NUP153: variants seen among roughly 807,000 people sequenced by gnomAD.
NUP153 encodes the protein nuclear pore complex protein Nup153.
A neutral mutation model predicts 134.6 loss-of-function variants in NUP153; 27 were observed. The ratio of observed to expected loss-of-function variants is 0.20; its 90% CI spans 0.15 to 0.28. NUP153 has a LOEUF of 0.28. Ranked by LOEUF, NUP153 falls within the 10% of genes least tolerant of loss-of-function variation. NUP153 has a pLI of 1.00. For synonymous variants in NUP153, 640 were observed against 623.5 expected (o/e 1.03, Z -0.40); for missense variants, 1,821 against 1,731.3 (o/e 1.05, Z -0.92).
At chr6:17,705,532 CTG>C (rs1770420895) in intron 1 of NUP153, among the ~76,000 whole-genome samples, 1 of 122,718 alleles carries the variant, frequency 8.1e-6, no homozygotes, top group African/African-American at 3.2e-5. Flanking sequence ...TCCCGGTCAA[CTG>C]TGGAGAATGG....
At chr6:17,699,092 G>T (rs1355590387) in intron 1 of NUP153, among the ~76,000 whole-genome samples, 2 of 152,118 alleles carry the variant, frequency 1.3e-5, no homozygotes, top group Non-Finnish European at 2.9e-5. Context: ...ACAGTAAATG[G>T]TATGTGTCAG....
At chr6:17,654,461 A>G (rs1308472828) in intron 11 of NUP153, among the ~76,000 whole-genome samples, 3 of 152,086 alleles carry the variant, frequency 2.0e-5, no homozygotes, top group African/African-American at 4.8e-5. Context: ...ATCTGGGACT[A>G]CAGGCACCTG....
At chr6:17,684,066 G>C (rs1393562432) in intron 2 of NUP153, among the ~76,000 whole-genome samples, 2 of 152,154 alleles carry the variant, frequency 1.3e-5, no homozygotes, top group African/African-American at 4.8e-5. Context: ...CCATGTGACT[G>C]ATATGCCTGC....
chr6:17,701,846 A>AGGGGG lies in NUP153; in HGVS notation c.111+4430_111+4431insCCCCC, dbSNP rs1561916995. Among the ~76,000 whole-genome samples, 200 of 65,576 alleles carry AGGGGG rather than the reference A, an allele frequency of 3.0e-3. 15 individuals carry two copies. Among genetic ancestry groups the AGGGGG allele is most frequent in the Middle Eastern group, 8.5e-3 (1 of 118 alleles). The allele number at this position is 65,576 out of a possible 152,430, so 43.0% of individuals were successfully genotyped here. On this transcript the variant is annotated intron_variant, in intron 1 of 21. Transcript: ENST00000262077. ...AGACTCTGTCTCGGGGGGGGGGGGA[A>AGGGGG]AAAAGCTAAATGCAGGAACTGACTT...
At chr6:17,689,360 C>T (rs897100894) in intron 1 of NUP153, among the ~76,000 whole-genome samples, 5 of 151,882 alleles carry the variant, frequency 3.3e-5, no homozygotes, top group African/African-American at 1.2e-4. Context: ...GCACTCTAGC[C>T]CGGGCAACAA....
chr6:17,668,074 T>C (rs1289255425), intron 8 of NUP153, among the ~76,000 whole-genome samples: 1 of 145,710 alleles, frequency 6.9e-6, no homozygotes, highest in Non-Finnish European at 1.5e-5. Flanking sequence ...CTGAACTTTT[T>C]TTTTTTTTTT....
chr6:17,675,148 T>C lies in NUP153; in HGVS notation c.723+81A>G. ...AGCCTGGGCAACAGCAAAAGACTCT[T>C]GTCTCAGAAAAAAAAAAAAAAATTA... On this transcript the variant is annotated intron_variant, in intron 4 of 21. Transcript: ENST00000262077. This position sits in a 1 kb window ranked among gnomAD's most constrained non-coding sequence, Gnocchi z 4.4. 6.5e-7 allele frequency: 1 copy of C among 1,542,768 alleles called. No individual in the cohort carries two copies. Among genetic ancestry groups the C allele is most frequent in the Non-Finnish European group, 8.8e-7 (1 of 1,139,134 alleles).
intron 19 of NUP153, 107 bp from the exon 20 acceptor site, chr6:17,624,940 T>C (rs2113767000): frequency 2.7e-6 from 3 of 1,105,792 alleles, no homozygotes; most frequent in East Asian, 5.2e-5. Context: ...TTTCAGACTC[T>C]TACCTTGCTA....
intron 14 of NUP153, among the ~76,000 whole-genome samples, chr6:17,645,017 G>C (rs956399472): frequency 6.6e-6 from 1 of 151,908 alleles, no homozygotes; most frequent in South Asian, 2.1e-4. Flanking sequence ...CCTGGGAGGC[G>C]GAGGTTGCAG....
intron 1 of NUP153, among the ~76,000 whole-genome samples, chr6:17,701,311 C>T (rs1770054070): frequency 1.3e-5 from 2 of 151,586 alleles, no homozygotes; most frequent in South Asian, 2.1e-4. Context: ...GGCCAGACCA[C>T]GCAGTGAGGA....
rs1381703261 is a variant in NUP153 at position 17,662,046 on chromosome 6, G to T, written c.1240C>A (p.Pro414Thr). The T allele has an allele frequency of 5.0e-6, 8 of 1,611,624 alleles. No homozygotes were observed. In the African/African-American group the frequency reaches 9.4e-5, roughly 19 times the overall value. The stretch of plus-strand genomic sequence containing the variant: ...TCTCGTTGTTCTCTATTTTGTCCGG[G>T]TGTCATATTTTTTTCATATCCAGTC... ...CSTGYEKNMT[P>T]GQNREQRESG... Residue 414 changes from proline to threonine, a missense_variant, in exon 10 of 22, where the codon CCC becomes ACC. Coordinates refer to ENST00000262077, the MANE Select transcript of NUP153 (RefSeq NM_005124.4).
At chr6:17,647,606 C>T (rs140210628) in intron 13 of NUP153, among the ~76,000 whole-genome samples, 1 of 152,190 alleles carries the variant, frequency 6.6e-6, no homozygotes, top group East Asian at 1.9e-4. Flanking sequence ...TCAAATGGTA[C>T]AGAAGAAAAT....
rs567781927 is a variant in NUP153, at chr6:17,658,533, T to C, written c.1395+3120A>G. On this transcript the variant is annotated intron_variant, in intron 11 of 21. Coordinates refer to ENST00000262077, the MANE Select transcript of NUP153 (RefSeq NM_005124.4). The stretch of plus-strand genomic sequence containing the variant: ...GCCACTGGAAGTTGACAATAACCAG[T>C]CACTGGAAGTTGACAAGGACCAATT... Among the ~76,000 whole-genome samples the C allele has an allele frequency of 7.2e-5, 11 of 152,306 alleles. No homozygotes were observed. The South Asian group carries it at 2.1e-3, about 29-fold the overall frequency.
At chr6:17,620,124 A>G (rs563400540) in intron 20 of NUP153, among the ~76,000 whole-genome samples, 378 of 145,130 alleles carry the variant, frequency 2.6e-3, no homozygotes, top group African/African-American at 9.2e-3. Context: ...AAAAAAAAGG[A>G]AGGGAGGGAG....
intron 1 of NUP153, among the ~76,000 whole-genome samples, chr6:17,699,476 C>CT (rs1554148209): frequency 1.6e-5 from 2 of 121,634 alleles, no homozygotes; most frequent in African/African-American, 6.2e-5. Context: ...GGGCGAGACT[C>CT]GTCTCAAAAA....
At chr6:17,702,499 C>T (rs1349022414) in intron 1 of NUP153, among the ~76,000 whole-genome samples, 2 of 151,574 alleles carry the variant, frequency 1.3e-5, no homozygotes, top group Non-Finnish European at 2.9e-5. Flanking sequence ...CAGAGCGAGA[C>T]TCTGTCTCAA....
chr6:17,676,700 C>A (rs1001511377), intron 2 of NUP153, among the ~76,000 whole-genome samples: 4 of 152,102 alleles, frequency 2.6e-5, no homozygotes, highest in African/African-American at 9.7e-5. Context: ...CAAAAAAAAA[C>A]TCACAAGGTG....
intron 20 of NUP153, among the ~76,000 whole-genome samples, chr6:17,623,357 C>CCAA (rs1491310393): frequency 1.2e-5 from 1 of 81,960 alleles, no homozygotes; most frequent in African/African-American, 4.7e-5. Flanking sequence ...GAAAAATGGC[C>CCAA]AAAAAAAAAA....
In NUP153 at chr6:17,625,975, T is replaced by TCAGCAG; in HGVS notation, c.3728_3733dup (p.Ala1244_Glu1245insAlaAla). The TCAGCAG allele has an allele frequency of 6.2e-7, 1 of 1,614,190 alleles. No homozygotes were observed. The highest frequency in any genetic ancestry group is 1.1e-5 in the South Asian group (1 of 91,072). ...TAGCAAAGACTGAGAGGTGCTGGAT[T>TCAGCAG]CAGCAGTGTTACCAAAGGCAGAGCT... On this transcript the variant is annotated inframe_insertion, in exon 19 of 22. Transcript: ENST00000262077. The surrounding 1 kb of genome is among the most constrained non-coding windows in gnomAD (Gnocchi z 4.7).
Sources: allele counts gnomAD v4.1 joint callset (sites outside exome capture counted in the v4.1 genomes callset), GRCh38; gene constraint gnomAD v4.1.1; non-coding constraint Gnocchi (gnomAD v3.1); transcripts MANE v1.5; gene names NCBI Gene and HGNC (gene_info 2026-07-23, HGNC 2026-07-21).